Variants in ADIPOR2 observed in about 807,000 individuals in gnomAD.
The protein encoded by ADIPOR2 is adiponectin receptor protein 2.
ADIPOR2 carries 18 observed loss-of-function variants against 40.9 expected under a neutral mutation model. That is an observed-to-expected ratio of 0.44 (90% CI 0.30 to 0.65). ADIPOR2 has a LOEUF of 0.65. Ranked by LOEUF, ADIPOR2 falls within the 30% of genes least tolerant of loss-of-function variation. ADIPOR2 has a pLI of 0.09. For missense variants in ADIPOR2, 283 were observed against 479.2 expected, an observed-to-expected ratio of 0.59 and a Z score of 3.82; for synonymous variants, 165 against 166.4, an observed-to-expected ratio of 0.99 and a Z score of 0.06.
intron 7 of ADIPOR2, among the ~76,000 whole-genome samples, chr12:1,785,392 G>A (rs1349986911): frequency 1.3e-5 from 2 of 152,198 alleles, no homozygotes; most frequent in African/African-American, 4.8e-5. Flanking sequence ...GAGAATCGTA[G>A]CACTGAAGGA....
chr12:1,725,134 T>C (rs915127273), intron 1 of ADIPOR2, among the ~76,000 whole-genome samples: 2 of 152,060 alleles, frequency 1.3e-5, no homozygotes, highest in Middle Eastern at 3.4e-3. Flanking sequence ...TCTTTTTTTT[T>C]TTTTTTGAGA....
Position 1,783,868 on chromosome 12 carries a change from T to C in ADIPOR2, c.839-12T>C. On this transcript the variant is annotated splice_polypyrimidine_tract_variant and intron_variant, in intron 6 of 7. Transcript: ENST00000357103. The stretch of plus-strand genomic sequence containing the variant: ...CTTCTGCATTACTTTACTCTCTTCT[T>C]GTGACTCCTAGGAGTGTTTTTGGGC... 1.3e-6 allele frequency: 2 copies of C among 1,568,438 alleles called. No individual in the cohort carries two copies. The highest frequency in any genetic ancestry group is 4.6e-5 in the East Asian group (2 of 43,764).
chr12:1,754,712 T>TACC (rs1555170193), intron 2 of ADIPOR2, among the ~76,000 whole-genome samples, 198 bp downstream of exon 2: 4 of 68,110 alleles, frequency 5.9e-5, no homozygotes, highest in African/African-American at 1.1e-4. Context: ...CTACTACTAC[T>TACC]ACTACTACTA....
chr12:1,715,073 T>C (rs914371332), intron 1 of ADIPOR2, among the ~76,000 whole-genome samples: 6 of 151,966 alleles, frequency 3.9e-5, no homozygotes, highest in African/African-American at 1.5e-4. Flanking sequence ...TGTTTCCTTC[T>C]GGGTGGTGGA....
chr12:1,709,635 C>T (rs576693089), intron 1 of ADIPOR2, among the ~76,000 whole-genome samples: 55 of 151,948 alleles, frequency 3.6e-4, no homozygotes, highest in African/African-American at 1.3e-3. Context: ...GTAAAATATA[C>T]GATATTGGAT....
intron 2 of ADIPOR2, chr12:1,761,047 G>T (rs1007720767): frequency 6.6e-6 from 1 of 151,984 alleles, no homozygotes; most frequent in Non-Finnish European, 1.5e-5. Flanking sequence ...TTTTTTTACA[G>T]TATATTGTTA....
At chr12:1,722,933 T>C (rs2094700655) in intron 1 of ADIPOR2, among the ~76,000 whole-genome samples, 1 of 152,220 alleles carries the variant, frequency 6.6e-6, no homozygotes, top group South Asian at 2.1e-4. Flanking sequence ...CCTTAAACTT[T>C]TATTATCTTG....
chr12:1,695,617 T>C (rs1333339167), intron 1 of ADIPOR2, among the ~76,000 whole-genome samples: 2 of 145,256 alleles, frequency 1.4e-5, no homozygotes, highest in Non-Finnish European at 3.0e-5. Flanking sequence ...GAACCGAGAT[T>C]GCACCACTGC....
intron 1 of ADIPOR2, among the ~76,000 whole-genome samples, chr12:1,747,595 G>C (rs2094758463): frequency 6.6e-6 from 1 of 152,078 alleles, no homozygotes; most frequent in Non-Finnish European, 1.5e-5. Context: ...TCTTTTAAGG[G>C]GGATCTTCCA....
rs533443764 is a variant in ADIPOR2 at position 1,715,668 on chromosome 12, A to C, written c.-87+24477A>C. On this transcript the variant is annotated intron_variant, in intron 1 of 7. Coordinates refer to ENST00000357103, the MANE Select transcript of ADIPOR2 (RefSeq NM_024551.3). The stretch of plus-strand genomic sequence containing the variant: ...TGGGCATCGCCCAATTCCTAGCAGC[A>C]GTTGGGGTGTCCTGTTTAGAGGGGG... Among the ~76,000 whole-genome samples the C allele has an allele frequency of 9.2e-5, 14 of 152,308 alleles. 1 individual carries two copies. The highest frequency in any genetic ancestry group is 3.4e-4 in the African/African-American group (14 of 41,542).
intron 1 of ADIPOR2, among the ~76,000 whole-genome samples, chr12:1,710,419 C>G (rs1482668116): frequency 6.6e-6 from 1 of 152,168 alleles, no homozygotes; most frequent in Non-Finnish European, 1.5e-5. Flanking sequence ...AAGGAACCAA[C>G]TCTGGACACA....
At chr12:1,717,513 C>G (rs1442724232) in intron 1 of ADIPOR2, among the ~76,000 whole-genome samples, 1 of 152,150 alleles carries the variant, frequency 6.6e-6, no homozygotes, top group East Asian at 1.9e-4. Flanking sequence ...CGAGACCAGC[C>G]TGATGAACAT....
chr12:1,754,277 A>G lies in ADIPOR2; in HGVS notation c.-67A>G, dbSNP rs895079636. ...TCTTAGGATCAACTCACTATCCTGAAGGTCCATTCTCCCAAGAAGAGGGGA... is the reference window on the plus strand; with the variant it reads ...TCTTAGGATCAACTCACTATCCTGAGGGTCCATTCTCCCAAGAAGAGGGGA... On this transcript the variant is annotated 5_prime_UTR_variant, in exon 2 of 8. Coordinates refer to ENST00000357103, the MANE Select transcript of ADIPOR2 (RefSeq NM_024551.3). The G allele has an allele frequency of 7.0e-7, 1 of 1,418,554 alleles. No individual in the cohort carries two copies. The highest frequency in any genetic ancestry group is 9.3e-7 in the Non-Finnish European group (1 of 1,072,060). 87.9% of individuals were successfully genotyped at this position (1,418,554 alleles called of 1,614,324 possible).
chr12:1,757,287 G>A (rs1403318937), intron 2 of ADIPOR2: 1 of 636,974 alleles, frequency 1.6e-6, no homozygotes, highest in Non-Finnish European at 2.9e-6. Flanking sequence ...GCAATGGTGA[G>A]GCAGATACCC....
Position 1,778,038 on chromosome 12 carries a change from A to C in ADIPOR2, c.463+13A>C. The C allele has an allele frequency of 6.2e-7, 1 of 1,606,974 alleles. No individual in the cohort carries two copies. The highest frequency in any genetic ancestry group is 8.5e-7 in the Non-Finnish European group (1 of 1,176,620). ...ACACATCTCTTAGGTATGTAATGTC[A>C]GTGATGTAATGAGCTGGTGATTCAC... On this transcript the variant is annotated intron_variant, in intron 4 of 7. Coordinates refer to ENST00000357103, the MANE Select transcript of ADIPOR2 (RefSeq NM_024551.3).
rs1233956266 is a variant in ADIPOR2, at chr12:1,754,261, C to G, written c.-83C>G. On this transcript the variant is annotated 5_prime_UTR_variant, in exon 2 of 8. The change creates a new upstream start codon in the 5' untranslated region. Coordinates refer to ENST00000357103, the MANE Select transcript of ADIPOR2 (RefSeq NM_024551.3). The stretch of plus-strand genomic sequence containing the variant: ...TTCAAAACTTTCATCTTCTTAGGAT[C>G]AACTCACTATCCTGAAGGTCCATTC... 5.3e-6 allele frequency: 7 copies of G among 1,329,874 alleles called. No homozygotes were observed. Among genetic ancestry groups the G allele is most frequent in the Non-Finnish European group, 6.9e-6 (7 of 1,007,952 alleles). 82.4% of individuals were successfully genotyped at this position (1,329,874 alleles called of 1,614,324 possible).
In ADIPOR2 at chr12:1,705,743, G is replaced by T. The variant is rs555426695; in HGVS notation, c.-87+14552G>T. ...GTAATATGGCTGTAAAAGAGTTGTA[G>T]AAAGACTTTTCTCCTTTAAAGACAT... On this transcript the variant is annotated intron_variant, in intron 1 of 7. Coordinates refer to ENST00000357103, the MANE Select transcript of ADIPOR2 (RefSeq NM_024551.3). 2.0e-5 allele frequency among the ~76,000 whole-genome samples: 3 copies of T among 152,294 alleles called. No homozygotes were observed. In the East Asian group the frequency reaches 5.8e-4, roughly 29 times the overall value.
intron 1 of ADIPOR2, among the ~76,000 whole-genome samples, chr12:1,731,615 T>C (rs2094720551): frequency 6.6e-6 from 1 of 152,226 alleles, no homozygotes; most frequent in Non-Finnish European, 1.5e-5. Context: ...ATTTGTCTTT[T>C]TGTGTCTGGT....
intron 1 of ADIPOR2, among the ~76,000 whole-genome samples, chr12:1,749,832 G>GT (rs57852014): frequency 0.045 from 5,394 of 119,190 alleles, 159 homozygotes; most frequent in African/African-American, 0.068. Flanking sequence ...TATTTGTTTA[G>GT]TTTTTTTTTT....
Sources: gnomAD v4.1 joint callset for allele counts (sites outside exome capture counted in the v4.1 genomes callset) on GRCh38, gnomAD v4.1.1 for gene constraint, MANE v1.5 for transcripts, NCBI Gene and HGNC (gene_info 2026-07-23, HGNC 2026-07-21) for gene names.